The following ITCH variants were observed in gnomAD, a reference collection of about 807,000 sequenced individuals.
ITCH encodes the protein itchy E3 ubiquitin protein ligase.
ITCH carries 28 observed loss-of-function variants against 126.8 expected under a neutral mutation model. The observed-to-expected ratio is 0.22, with a 90% CI of 0.16 to 0.30. The LOEUF (loss-of-function observed/expected upper bound fraction) is 0.30, where lower values mean the gene tolerates loss of function less well. Among genes scored for constraint, ITCH ranks in the 10% least tolerant of loss-of-function variants. The pLI is 1.00. For missense variants in ITCH, 631 were observed against 1,032.4 expected, an observed-to-expected ratio of 0.61 and a Z score of 5.33; for synonymous variants, 342 against 340.0, an observed-to-expected ratio of 1.01 and a Z score of -0.06.
intron 3 of ITCH, among the ~76,000 whole-genome samples, chr20:34,405,506 CAA>C (rs113924606): frequency 6.7e-5 from 9 of 133,522 alleles, no homozygotes; most frequent in Admixed American, 2.3e-4. Flanking sequence ...ACTCCTATCT[CAA>C]AAAAAAAAAA....
intron 20 of ITCH, among the ~76,000 whole-genome samples, chr20:34,481,969 C>G (rs1167698251): frequency 6.6e-6 from 1 of 152,192 alleles, no homozygotes; most frequent in Non-Finnish European, 1.5e-5. Context: ...CAGGATAGCA[C>G]CACTGCACTC....
chr20:34,455,411 A>G (rs889652231), intron 12 of ITCH, among the ~76,000 whole-genome samples: 1 of 152,214 alleles, frequency 6.6e-6, no homozygotes, highest in Non-Finnish European at 1.5e-5. Context: ...ATTCAAAAAC[A>G]GCAGAACTGT....
chr20:34,470,192 A>G, intron 15 of ITCH, 72 bp downstream of exon 15: 1 of 1,172,588 alleles, frequency 8.5e-7, no homozygotes, highest in Non-Finnish European at 1.3e-6. Context: ...AGTGATTGTG[A>G]AAATACTTAA....
chr20:34,503,956 A>G (rs1990459425), intron 23 of ITCH, among the ~76,000 whole-genome samples: 1 of 139,954 alleles, frequency 7.1e-6, no homozygotes, highest in Admixed American at 8.1e-5. Context: ...ATCTTGAGTC[A>G]CTGCAACTTT....
At chr20:34,397,413 C>A (rs1215253630) in intron 3 of ITCH, among the ~76,000 whole-genome samples, 1 of 152,100 alleles carries the variant, frequency 6.6e-6, no homozygotes, top group Non-Finnish European at 1.5e-5. Flanking sequence ...ACAATGAAAA[C>A]CTCAGTCTCT....
chr20:34,477,693 A>G (rs1453805186), intron 16 of ITCH, 79 bp from the exon 17 acceptor site: 2 of 1,307,482 alleles, frequency 1.5e-6, no homozygotes, highest in Non-Finnish European at 2.2e-6. Context: ...CCTATAACGA[A>G]GGAGATGTCA....
At position 34,470,042 on chromosome 20, in the gene ITCH, C is replaced by T. The variant is rs753848493; in HGVS notation, c.1425-6C>T. 6.2e-7 allele frequency: 1 copy of T among 1,612,138 alleles called. No individual in the cohort carries two copies. The highest frequency in any genetic ancestry group is 1.1e-5 in the South Asian group (1 of 91,040). On this transcript the variant is annotated splice_polypyrimidine_tract_variant and splice_region_variant and intron_variant, in intron 14 of 24. Transcript: ENST00000374864. ...ATATGTCCTGTTAACCCTTGTTCTT[C>T]CTCAGAGACAATGGACCTCAGATAG...
intron 3 of ITCH, among the ~76,000 whole-genome samples, chr20:34,401,452 A>G (rs1423223654): frequency 1.3e-5 from 2 of 152,190 alleles, no homozygotes; most frequent in Non-Finnish European, 2.9e-5. Context: ...TCACAGTCAC[A>G]TATAGTGTCT....
intron 3 of ITCH, among the ~76,000 whole-genome samples, chr20:34,394,168 C>T (rs1335015455): frequency 2.8e-5 from 4 of 143,548 alleles, no homozygotes; most frequent in South Asian, 2.2e-4. Flanking sequence ...GCTGAGTTTG[C>T]GCCACTGCAC....
In ITCH at chr20:34,507,787, A is replaced by G. The variant is rs1978327120; in HGVS notation, c.2582A>G (p.Gln861Arg). ...FAIEETEGFG[Q>R]E ...ATAGAAGAAACAGAAGGATTTGGAC[A>G]AGAGTAACTTCTGAGAACTTGCACC... Residue 861 changes from glutamine (Q) to arginine (R), a missense_variant, in exon 25 of 25, where the codon CAA (glutamine) becomes CGA (arginine). Physicochemically the swap from Gln to Arg is conservative, Grantham distance 43. This residue lies in a region of ITCH where 390 missense variants were observed against 731.6 expected (regional missense o/e 0.53). Transcript: ENST00000374864. 1 of 1,612,584 alleles carries G rather than the reference A, an allele frequency of 6.2e-7. No individual in the cohort carries two copies. Among genetic ancestry groups the G allele is most frequent in the Non-Finnish European group, 8.5e-7 (1 of 1,178,802 alleles).
chr20:34,481,459 C>T (rs1428681678), intron 20 of ITCH, among the ~76,000 whole-genome samples: 1 of 152,006 alleles, frequency 6.6e-6, no homozygotes, highest in Non-Finnish European at 1.5e-5. Flanking sequence ...TATAACATGT[C>T]ATTAAAAAGA....
At chr20:34,438,691 A>C in intron 8 of ITCH, 60 bp downstream of exon 8, 3 of 1,568,114 alleles carry the variant, frequency 1.9e-6, no homozygotes, top group Non-Finnish European at 2.6e-6. Flanking sequence ...ATTAATCCTC[A>C]GGTAAGTGTC....
At chr20:34,475,016 C>G (rs540785407) in intron 16 of ITCH, among the ~76,000 whole-genome samples, 2 of 147,596 alleles carry the variant, frequency 1.4e-5, no homozygotes. Flanking sequence ...ACATCCCAGA[C>G]GGGGCGGCGG....
intron 16 of ITCH, among the ~76,000 whole-genome samples, chr20:34,477,450 A>G (rs1988335986): frequency 6.6e-6 from 1 of 152,190 alleles, no homozygotes; most frequent in African/African-American, 2.4e-5. Context: ...GAATCGCTTG[A>G]ACCTGGGAGG....
chr20:34,476,563 A>G (rs1228942015), intron 16 of ITCH: 2 of 749,314 alleles, frequency 2.7e-6, no homozygotes, highest in Non-Finnish European at 3.5e-6. Context: ...TACCTAGCCT[A>G]TACTATTTGT....
At chr20:34,492,467 G>GACATATAT (rs1989584395) in intron 22 of ITCH, 34 bp from the exon 23 acceptor site, 1 of 1,196,470 alleles carries the variant, frequency 8.4e-7, no homozygotes, top group Admixed American at 1.7e-5. Flanking sequence ...TGTAACATAT[G>GACATATAT]ACATATATAT....
intron 3 of ITCH, 138 bp downstream of exon 3, chr20:34,394,019 GC>G: frequency 1.2e-6 from 1 of 807,188 alleles, no homozygotes; most frequent in Non-Finnish European, 2.1e-6. Context: ...GTCACTTGAG[GC>G]CAGGAGTTTG....
intron 6 of ITCH, among the ~76,000 whole-genome samples, chr20:34,415,551 C>T (rs1431430699): frequency 6.6e-6 from 1 of 151,772 alleles, no homozygotes; most frequent in Non-Finnish European, 1.5e-5. Flanking sequence ...GAGTGAGACT[C>T]TCTCTCAAAA....
At chr20:34,398,710 T>A (rs1187090024) in intron 3 of ITCH, among the ~76,000 whole-genome samples, 1 of 152,188 alleles carries the variant, frequency 6.6e-6, no homozygotes, top group Admixed American at 6.5e-5. Context: ...AAATATTCTC[T>A]TTTTTATAAA....
Sources: allele counts gnomAD v4.1 joint callset (sites outside exome capture counted in the v4.1 genomes callset), GRCh38; gene constraint gnomAD v4.1.1; regional missense constraint gnomAD v4.1.1; transcripts MANE v1.5; gene names NCBI Gene and HGNC (gene_info 2026-07-23, HGNC 2026-07-21).